Variants in MDGA2 observed in about 807,000 individuals in gnomAD.
MDGA2 encodes MAM domain-containing glycosylphosphatidylinositol anchor protein 2.
MDGA2 carries 40 observed loss-of-function variants against 117.8 expected under a neutral mutation model. That is an observed-to-expected ratio of 0.34 (90% CI 0.26 to 0.44). MDGA2 has a LOEUF of 0.44. Ranked by LOEUF, MDGA2 falls within the 20% of genes least tolerant of loss-of-function variation. The pLI, the probability that MDGA2 is intolerant of heterozygous loss-of-function variation, is 1.00. For synonymous variants in MDGA2, 452 were observed against 439.0 expected, an observed-to-expected ratio of 1.03 and a Z score of -0.37; for missense variants, 1,123 against 1,250.6, an observed-to-expected ratio of 0.90 and a Z score of 1.54.
At chr14:47,266,686 A>G (rs1301796459) in intron 2 of MDGA2, among the ~76,000 whole-genome samples, 1 of 152,142 alleles carries the variant, frequency 6.6e-6, no homozygotes, top group Non-Finnish European at 1.5e-5. Flanking sequence ...TCTTAGAGTG[A>G]CTGATTTCTG....
intron 1 of MDGA2, among the ~76,000 whole-genome samples, chr14:47,304,695 T>C (rs535954804): frequency 5.9e-5 from 9 of 152,300 alleles, no homozygotes; most frequent in African/African-American, 2.2e-4. Flanking sequence ...TATCTCCCTA[T>C]GACATTTCAT....
intron 10 of MDGA2, among the ~76,000 whole-genome samples, chr14:46,905,256 G>C (rs567675729): frequency 1.3e-5 from 2 of 152,264 alleles, no homozygotes; most frequent in East Asian, 3.9e-4. Flanking sequence ...ATTTGCAATG[G>C]TGAAATTTTA....
chr14:46,873,521 A>T lies in MDGA2; in HGVS notation c.2664T>A (p.Val888=). 1 of 1,612,632 alleles carries T rather than the reference A, an allele frequency of 6.2e-7. No individual in the cohort carries two copies. The highest frequency in any genetic ancestry group is 1.1e-5 in the South Asian group (1 of 91,046). ...AAGGGTTTTTGGGAGCTATGCTGAA[A>T]ACAGGGCTGAGAAGTCGAGCCTTTT... ...EGEKARLLSP[V]FSIAPKNPYG... is the part of the protein sequence containing the mutation. The change falls in exon 14 of 17, where the codon GTT becomes GTA. Residue 888 remains valine (V), a synonymous_variant. Coordinates refer to ENST00000399232, the MANE Select transcript of MDGA2 (RefSeq NM_001113498.3).
chr14:47,297,995 T>C (rs986938326), intron 2 of MDGA2, among the ~76,000 whole-genome samples: 1 of 152,190 alleles, frequency 6.6e-6, no homozygotes, highest in African/African-American at 2.4e-5. Context: ...TATGTGTGTG[T>C]TTGTATATAT....
chr14:47,604,487 A>ACCC (rs60602833), intron 1 of MDGA2, among the ~76,000 whole-genome samples: 120 of 92,080 alleles, frequency 1.3e-3, no homozygotes, highest in African/African-American at 1.8e-3. Flanking sequence ...CAGCTTCCCC[A>ACCC]CCCCCCCCCA....
chr14:46,930,625 GAA>G (rs1365654211), intron 9 of MDGA2, among the ~76,000 whole-genome samples: 1 of 152,088 alleles, frequency 6.6e-6, no homozygotes, highest in East Asian at 1.9e-4. Flanking sequence ...CTTGAAATGA[GAA>G]AGAGTTAATC....
At chr14:47,327,130 C>G in intron 1 of MDGA2, among the ~76,000 whole-genome samples, 1 of 152,172 alleles carries the variant, frequency 6.6e-6, no homozygotes, top group East Asian at 1.9e-4. Flanking sequence ...ATTACTTGGA[C>G]AGAGGAACAC....
At chr14:47,552,242 C>A (rs1279911374) in intron 1 of MDGA2, among the ~76,000 whole-genome samples, 1 of 152,176 alleles carries the variant, frequency 6.6e-6, no homozygotes, top group Non-Finnish European at 1.5e-5. Flanking sequence ...GACTTAAATA[C>A]CACCTTTGAC....
intron 10 of MDGA2, among the ~76,000 whole-genome samples, chr14:46,900,954 A>C (rs886712967): frequency 8.6e-5 from 13 of 152,046 alleles, no homozygotes; most frequent in Non-Finnish European, 5.9e-5. Flanking sequence ...GTTTCATGGA[A>C]CTTTCCTGTA....
At chr14:47,116,388 T>G (rs1425734445) in intron 5 of MDGA2, among the ~76,000 whole-genome samples, 1 of 152,080 alleles carries the variant, frequency 6.6e-6, no homozygotes, top group East Asian at 1.9e-4. Flanking sequence ...CTAATGGTAT[T>G]TTTTACAGAA....
At chr14:47,300,056 A>T (rs893395810) in intron 2 of MDGA2, among the ~76,000 whole-genome samples, 1 of 152,154 alleles carries the variant, frequency 6.6e-6, no homozygotes, top group Admixed American at 6.5e-5. Flanking sequence ...GATGCTTTAT[A>T]TGCCTATTTT....
At chr14:47,173,760 G>C (rs1422710854) in intron 3 of MDGA2, among the ~76,000 whole-genome samples, 2 of 152,046 alleles carry the variant, frequency 1.3e-5, no homozygotes, top group Non-Finnish European at 2.9e-5. Context: ...AAAATAACCA[G>C]CTAACATCAT....
chr14:47,480,520 A>G (rs1311328796), intron 1 of MDGA2, among the ~76,000 whole-genome samples: 3 of 152,070 alleles, frequency 2.0e-5, no homozygotes, highest in Non-Finnish European at 4.4e-5. Flanking sequence ...CAAGCAACAA[A>G]TATCAATAAT....
At chr14:47,038,084 C>T (rs76286108) in intron 7 of MDGA2, among the ~76,000 whole-genome samples, 7,905 of 152,190 alleles carry the variant, frequency 0.052, 225 homozygotes, top group South Asian at 0.12. Flanking sequence ...TGTGCACCAC[C>T]ACACCCAGCT....
At chr14:47,446,634 T>C (rs1893128419) in intron 1 of MDGA2, among the ~76,000 whole-genome samples, 1 of 152,110 alleles carries the variant, frequency 6.6e-6, no homozygotes, top group Non-Finnish European at 1.5e-5. Flanking sequence ...CTTGCAAGAC[T>C]GAAGTTTACA....
chr14:47,156,795 T>C (rs1883406572), intron 3 of MDGA2, among the ~76,000 whole-genome samples: 1 of 152,144 alleles, frequency 6.6e-6, no homozygotes, highest in Non-Finnish European at 1.5e-5. Context: ...ATAAATGTGG[T>C]TCCTTAAGGA....
intron 5 of MDGA2, among the ~76,000 whole-genome samples, chr14:47,100,905 T>C (rs1880267137): frequency 1.3e-5 from 2 of 152,110 alleles, no homozygotes; most frequent in African/African-American, 4.8e-5. Flanking sequence ...AAAATGACTA[T>C]GGTGCCAGTC....
chr14:47,274,246 C>A (rs1389192425), intron 2 of MDGA2, among the ~76,000 whole-genome samples: 1 of 152,132 alleles, frequency 6.6e-6, no homozygotes, highest in East Asian at 1.9e-4. Context: ...CTTTCCCCAA[C>A]CCCACCAGCC....
Position 47,054,368 on chromosome 14 carries a change from C to T in MDGA2, c.1525+6881G>A, listed in dbSNP as rs542113129. ...CTTTAAGTTTTAGGGTACATGTGCA[C>T]AATGTGCAGGTTTGTTACATATGTA... On this transcript the variant is annotated intron_variant, in intron 7 of 16. Coordinates refer to ENST00000399232, the MANE Select transcript of MDGA2 (RefSeq NM_001113498.3). Among the ~76,000 whole-genome samples, 5 of 151,782 alleles carry T rather than the reference C, an allele frequency of 3.3e-5. No individual in the cohort carries two copies. In the East Asian group the frequency reaches 9.7e-4, roughly 30 times the overall value.
Sources: allele counts gnomAD v4.1 joint callset (sites outside exome capture counted in the v4.1 genomes callset), GRCh38; gene constraint gnomAD v4.1.1; transcripts MANE v1.5; gene names NCBI Gene and HGNC (gene_info 2026-07-23, HGNC 2026-07-21).